RUNDC3B: variants seen among roughly 807,000 people sequenced by gnomAD.
RUNDC3B encodes RUN domain containing 3B.
In RUNDC3B, 33 loss-of-function variants were observed where a neutral mutation model predicts 58.4. The ratio of observed to expected loss-of-function variants is 0.56; its 90% CI spans 0.43 to 0.75. The LOEUF (loss-of-function observed/expected upper bound fraction) is 0.75, where lower values mean the gene tolerates loss of function less well. Ranked by LOEUF, RUNDC3B falls within the 30% of genes least tolerant of loss-of-function variation. RUNDC3B has a pLI of 0.00. For missense variants in RUNDC3B, 501 were observed against 535.7 expected, an observed-to-expected ratio of 0.94 and a Z score of 0.64; for synonymous variants, 193 against 195.2, an observed-to-expected ratio of 0.99 and a Z score of 0.10.
intron 4 of RUNDC3B, among the ~76,000 whole-genome samples, chr7:87,714,338 A>G (rs1830352957): frequency 6.6e-6 from 1 of 152,140 alleles, no homozygotes; most frequent in Admixed American, 6.5e-5. Flanking sequence ...TTTATTATTA[A>G]GTTTAGTGAG....
intron 2 of RUNDC3B, among the ~76,000 whole-genome samples, chr7:87,686,484 C>T (rs1182215095): frequency 2.6e-5 from 4 of 152,016 alleles, no homozygotes; most frequent in African/African-American, 9.7e-5. Context: ...TCATCTGTGA[C>T]TTTGATTATT....
chr7:87,773,762 C>T (rs1365953401), intron 7 of RUNDC3B, among the ~76,000 whole-genome samples: 1 of 152,032 alleles, frequency 6.6e-6, no homozygotes, highest in Non-Finnish European at 1.5e-5. Context: ...ACTGAAACCT[C>T]CACCTCCTGG....
chr7:87,820,938 G>C (rs1368878755), intron 10 of RUNDC3B, among the ~76,000 whole-genome samples: 2 of 151,716 alleles, frequency 1.3e-5, no homozygotes, highest in African/African-American at 2.4e-5. Flanking sequence ...ATATCATACT[G>C]AATGGGCAAA....
chr7:87,735,642 A>T (rs1831881531), intron 4 of RUNDC3B, among the ~76,000 whole-genome samples: 1 of 152,106 alleles, frequency 6.6e-6, no homozygotes, highest in South Asian at 2.1e-4. Flanking sequence ...GCCACTCAAG[A>T]AGTGTTATTA....
intron 2 of RUNDC3B, among the ~76,000 whole-genome samples, chr7:87,672,870 T>C (rs1324227318): frequency 1.3e-5 from 2 of 152,188 alleles, no homozygotes; most frequent in Non-Finnish European, 2.9e-5. Context: ...TCATTCTCCA[T>C]GGGTCAAGTT....
At chr7:87,715,546 TTAATA>T (rs1248038315) in intron 4 of RUNDC3B, among the ~76,000 whole-genome samples, 119 of 139,086 alleles carry the variant, frequency 8.6e-4, no homozygotes, top group Non-Finnish European at 1.4e-3. Context: ...ATATAATATA[TTAATA>T]TAATATATTA....
At chr7:87,765,861 C>G (rs1833949969) in intron 6 of RUNDC3B, among the ~76,000 whole-genome samples, 1 of 151,738 alleles carries the variant, frequency 6.6e-6, no homozygotes, top group Admixed American at 6.6e-5. Flanking sequence ...TATTTTCTGC[C>G]TCAGTAATCT....
At chr7:87,642,092 A>G (rs1822517989) in intron 1 of RUNDC3B, among the ~76,000 whole-genome samples, 1 of 151,802 alleles carries the variant, frequency 6.6e-6, no homozygotes, top group African/African-American at 2.4e-5. Flanking sequence ...TGGAAATTTT[A>G]ATTATAATAA....
chr7:87,780,497 A>T (rs1218732396), intron 8 of RUNDC3B, among the ~76,000 whole-genome samples: 1 of 152,102 alleles, frequency 6.6e-6, no homozygotes, highest in Non-Finnish European at 1.5e-5. Flanking sequence ...GGTTCTAGAT[A>T]TTAGACATTT....
intron 7 of RUNDC3B, among the ~76,000 whole-genome samples, chr7:87,774,335 A>G (rs928828371): frequency 1.0e-3 from 153 of 152,278 alleles, no homozygotes; most frequent in African/African-American, 3.2e-3. Flanking sequence ...TAAGTATCCA[A>G]GAAGTAGTGA....
chr7:87,709,256 A>G (rs899597885), intron 3 of RUNDC3B: 11 of 985,252 alleles, frequency 1.1e-5, no homozygotes, highest in Non-Finnish European at 1.2e-6. Context: ...TCCTGTGCTG[A>G]ATTGTCTCTG....
intron 4 of RUNDC3B, among the ~76,000 whole-genome samples, chr7:87,732,471 A>G (rs1038134271): frequency 1.2e-4 from 18 of 152,188 alleles, no homozygotes; most frequent in South Asian, 8.3e-4. Context: ...ACTAGTCATC[A>G]CAAACGGCAC....
intron 10 of RUNDC3B, among the ~76,000 whole-genome samples, chr7:87,817,200 T>C (rs374572278): frequency 2.0e-5 from 3 of 152,170 alleles, no homozygotes; most frequent in East Asian, 3.9e-4. Flanking sequence ...ACAGTCAATT[T>C]ATAAACAAGT....
rs754871307 is a variant in RUNDC3B at position 87,650,867 on chromosome 7, T to G, written c.168T>G (p.Ile56Met). Residue 56 changes from isoleucine (I) to methionine (M), a missense_variant, in exon 2 of 11, where the codon ATT becomes ATG. Coordinates refer to ENST00000394654, the MANE Select transcript of RUNDC3B (RefSeq NM_001134405.2). Reference protein sequence around the residue: ...TLIDRSCFETIDDSSPEFNNF... With the variant: ...TLIDRSCFETMDDSSPEFNNF... ...TTGATCGGTCTTGCTTTGAGACAAT[T>G]GATGATTCTTCTCCTGAATTTAACA... 5 of 1,613,046 alleles carry G rather than the reference T, an allele frequency of 3.1e-6. No homozygotes were observed. In the African/African-American group the frequency reaches 6.7e-5, roughly 22 times the overall value.
At chr7:87,766,110 A>G (rs1833963591) in intron 6 of RUNDC3B, among the ~76,000 whole-genome samples, 1 of 151,838 alleles carries the variant, frequency 6.6e-6, no homozygotes, top group Non-Finnish European at 1.5e-5. Context: ...AAGAATAGCT[A>G]CTCTTGATCG....
At chr7:87,695,374 T>C (rs1828409964) in intron 2 of RUNDC3B, among the ~76,000 whole-genome samples, 1 of 152,094 alleles carries the variant, frequency 6.6e-6, no homozygotes. Context: ...TAAACTGGCT[T>C]TTATAAATTA....
intron 8 of RUNDC3B, 35 bp from the exon 9 acceptor site, chr7:87,807,338 G>A: frequency 6.2e-7 from 1 of 1,608,884 alleles, no homozygotes; most frequent in East Asian, 2.2e-5. Flanking sequence ...GTAGAACAGT[G>A]AAGACAAAAG....
Position 87,628,772 on chromosome 7 carries a change from G to T in RUNDC3B, c.-52G>T, listed in dbSNP as rs555951072. Reference sequence around the variant, plus strand: ...AGCGAGAACCCCCTTAAGCAGGTGTGGGGGGCGTGCGGGGTGGCACGAGAC... The same window carrying T: ...AGCGAGAACCCCCTTAAGCAGGTGTTGGGGGCGTGCGGGGTGGCACGAGAC... On this transcript the variant is annotated 5_prime_UTR_variant, in exon 1 of 11. Coordinates refer to ENST00000394654, the MANE Select transcript of RUNDC3B (RefSeq NM_001134405.2). The T allele has an allele frequency of 8.9e-7, 1 of 1,117,506 alleles. No homozygotes were observed. The highest frequency in any genetic ancestry group is 1.6e-5 in the African/African-American group (1 of 62,246). 69.2% of individuals were successfully genotyped at this position (1,117,506 alleles called of 1,614,324 possible).
At position 87,831,722 on chromosome 7, in the gene RUNDC3B, G is replaced by A. The variant is rs1838138235; in HGVS notation, c.*1692G>A. On this transcript the variant is annotated 3_prime_UTR_variant, in exon 11 of 11. Transcript: ENST00000394654. ...TATGAGGACAATGGAAACTTTGGGAGAAGGGAGTGAGGAAATGGATAAAGA... is the reference window on the plus strand; with the variant it reads ...TATGAGGACAATGGAAACTTTGGGAAAAGGGAGTGAGGAAATGGATAAAGA... 6.6e-6 allele frequency: 1 copy of A among 151,882 alleles called. No individual in the cohort carries two copies. Among genetic ancestry groups the A allele is most frequent in the Admixed American group, 6.6e-5 (1 of 15,204 alleles). The allele number at this position is 151,882 out of a possible 1,614,324, so 9.4% of individuals were successfully genotyped here.
Sources: allele counts gnomAD v4.1 joint callset (sites outside exome capture counted in the v4.1 genomes callset), GRCh38; gene constraint gnomAD v4.1.1; transcripts MANE v1.5; gene names NCBI Gene and HGNC (gene_info 2026-07-23, HGNC 2026-07-21).